Variants in MALRD1 observed in about 807,000 individuals in gnomAD.
MALRD1 encodes the protein MAM and LDL-receptor class A domain-containing protein 1.
Under a neutral mutation model 242.1 loss-of-function variants are expected in MALRD1, and 247 were observed. That is an observed-to-expected ratio of 1.02 (90% CI 0.92 to 1.13). MALRD1 has a LOEUF of 1.13. Among genes scored for constraint, MALRD1 ranks in the 50% most tolerant of loss-of-function variants. MALRD1 has a pLI of 0.00. For synonymous variants in MALRD1, 995 were observed against 866.6 expected (o/e 1.15, Z -2.60); for missense variants, 2,989 against 2,533.1 (o/e 1.18, Z -3.86).
chr10:19,303,946 T>G (rs192824953), intron 21 of MALRD1, among the ~76,000 whole-genome samples: 92 of 151,784 alleles, frequency 6.1e-4, no homozygotes, highest in African/African-American at 2.0e-3. Context: ...GAAGAATCAT[T>G]TTTACCTTGA....
intron 36 of MALRD1, among the ~76,000 whole-genome samples, chr10:19,659,796 G>A (rs993660955): frequency 5.3e-5 from 8 of 152,026 alleles, no homozygotes; most frequent in Admixed American, 1.3e-4. Context: ...GTAATTTGAA[G>A]CCCCGTCTCA....
At chr10:19,282,461 A>G (rs973741542) in intron 20 of MALRD1, among the ~76,000 whole-genome samples, 22 of 152,202 alleles carry the variant, frequency 1.4e-4, no homozygotes, top group African/African-American at 4.6e-4. Context: ...ACATGAACAC[A>G]TTCGGAGAGA....
At chr10:19,131,948 C>A (rs1833126687) in intron 8 of MALRD1, among the ~76,000 whole-genome samples, 1 of 152,044 alleles carries the variant, frequency 6.6e-6, no homozygotes, top group Non-Finnish European at 1.5e-5. Context: ...TAAAATGAAA[C>A]CTGATTTCAC....
chr10:19,062,496 T>G (rs937502043), intron 1 of MALRD1, among the ~76,000 whole-genome samples: 1 of 152,198 alleles, frequency 6.6e-6, no homozygotes, highest in African/African-American at 2.4e-5. Context: ...ACAGCAGTGT[T>G]GTTCACAATA....
At chr10:19,596,467 G>A (rs1476523002) in intron 34 of MALRD1, among the ~76,000 whole-genome samples, 1 of 152,064 alleles carries the variant, frequency 6.6e-6, no homozygotes, top group African/African-American at 2.4e-5. Context: ...CAGTGGCTCA[G>A]GCCTATTATC....
At chr10:19,197,139 C>A (rs1204537885) in intron 14 of MALRD1, among the ~76,000 whole-genome samples, 2 of 152,056 alleles carry the variant, frequency 1.3e-5, no homozygotes, top group African/African-American at 4.8e-5. Context: ...AACTTTTAAA[C>A]CATCAGCTCT....
chr10:19,669,745 C>T (rs1247591549), intron 36 of MALRD1, among the ~76,000 whole-genome samples: 1 of 151,974 alleles, frequency 6.6e-6, no homozygotes, highest in Non-Finnish European at 1.5e-5. Flanking sequence ...CAGAAGTAAA[C>T]CATACTATTT....
intron 21 of MALRD1, among the ~76,000 whole-genome samples, chr10:19,291,044 A>G (rs1355940014): frequency 6.6e-6 from 1 of 152,176 alleles, no homozygotes; most frequent in African/African-American, 2.4e-5. Flanking sequence ...ATTTGATCCA[A>G]TTCATTTTTA....
At chr10:19,258,719 G>A (rs1839622101) in intron 19 of MALRD1, among the ~76,000 whole-genome samples, 1 of 152,066 alleles carries the variant, frequency 6.6e-6, no homozygotes, top group Admixed American at 6.5e-5. Context: ...TGTTACCACT[G>A]TGTGTCATGG....
intron 24 of MALRD1, among the ~76,000 whole-genome samples, chr10:19,345,332 T>C (rs1844069056): frequency 6.6e-6 from 1 of 152,210 alleles, no homozygotes. Flanking sequence ...CTGCTCTATA[T>C]GCTAATATAT....
chr10:19,439,545 AAGT>A (rs1564340870), intron 28 of MALRD1, among the ~76,000 whole-genome samples: 123 of 151,510 alleles, frequency 8.1e-4, no homozygotes, highest in African/African-American at 2.7e-3. Context: ...CTCAAAAAAA[AAGT>A]GGGGGATAAA....
At chr10:19,595,588 G>A in intron 34 of MALRD1, 131 bp downstream of exon 34, 1 of 1,095,686 alleles carries the variant, frequency 9.1e-7, no homozygotes, top group Non-Finnish European at 1.3e-6. Context: ...ACAGCTTTCA[G>A]TGTTATGTTG....
At chr10:19,709,384 C>T (rs1351384187) in intron 38 of MALRD1, among the ~76,000 whole-genome samples, 1 of 151,970 alleles carries the variant, frequency 6.6e-6, no homozygotes, top group Non-Finnish European at 1.5e-5. Flanking sequence ...AGATTGGCCA[C>T]TGCACTCTAG....
chr10:19,489,051 G>C (rs1331262183), intron 29 of MALRD1: 1 of 457,882 alleles, frequency 2.2e-6, no homozygotes, highest in Non-Finnish European at 4.4e-6. Context: ...GGAGGGTGGA[G>C]GGGCGGCAGC....
At chr10:19,429,480 C>T (rs932743062) in intron 28 of MALRD1, among the ~76,000 whole-genome samples, 1 of 152,062 alleles carries the variant, frequency 6.6e-6, no homozygotes, top group Non-Finnish European at 1.5e-5. Context: ...TGGAGGATCA[C>T]GTGAACCCGG....
intron 36 of MALRD1, among the ~76,000 whole-genome samples, chr10:19,679,817 C>T (rs1410271691): frequency 6.6e-6 from 1 of 152,120 alleles, no homozygotes; most frequent in Non-Finnish European, 1.5e-5. Context: ...CTTAACACTG[C>T]TTTAGCTGTG....
intron 21 of MALRD1, among the ~76,000 whole-genome samples, chr10:19,306,605 GTA>G (rs550375376): frequency 2.0e-5 from 3 of 149,118 alleles, no homozygotes; most frequent in Admixed American, 1.4e-4. Flanking sequence ...ACTTAATTGT[GTA>G]TATATATATG....
intron 14 of MALRD1, among the ~76,000 whole-genome samples, chr10:19,179,103 A>G (rs1405420682): frequency 2.0e-5 from 3 of 152,238 alleles, no homozygotes; most frequent in African/African-American, 7.2e-5. Context: ...CACAAGAGCA[A>G]GGATGTATCT....
At chr10:19,689,368 G>A (rs1006840232) in intron 36 of MALRD1, among the ~76,000 whole-genome samples, 1 of 152,140 alleles carries the variant, frequency 6.6e-6, no homozygotes, top group Non-Finnish European at 1.5e-5. Context: ...ACATACATTT[G>A]TGGGTAATTT....
Sources: gnomAD v4.1 joint callset for allele counts (sites outside exome capture counted in the v4.1 genomes callset) on GRCh38, gnomAD v4.1.1 for gene constraint, MANE v1.5 for transcripts, NCBI Gene and HGNC (gene_info 2026-07-23, HGNC 2026-07-21) for gene names.